Variants in ASCL5 observed in about 807,000 individuals in gnomAD.
ASCL5 encodes achaete-scute homolog 5.
For missense variants in ASCL5, 262 were observed against 268.9 expected, an observed-to-expected ratio of 0.97 and a Z score of 0.18; for synonymous variants, 124 against 131.5, an observed-to-expected ratio of 0.94 and a Z score of 0.39.
rs1663295461 is a variant in ASCL5 at position 201,114,730 on chromosome 1, C to G, written c.*22G>C. On this transcript the variant is annotated 3_prime_UTR_variant, in exon 2 of 2. Coordinates refer to ENST00000449188, the MANE Select transcript of ASCL5 (RefSeq NM_001270601.2). The stretch of plus-strand genomic sequence containing the variant: ...CGGGGCCGGCGGATCATCCTCCAAG[C>G]CGGGGGCGGCCACAGGCCCGATCAA... 2.4e-6 allele frequency: 3 copies of G among 1,230,590 alleles called. No homozygotes were observed. The highest frequency in any genetic ancestry group is 3.0e-6 in the Non-Finnish European group (3 of 987,292). The allele number at this position is 1,230,590 out of a possible 1,614,324, so 76.2% of individuals were successfully genotyped here. A position where few individuals can be genotyped will look rare whatever the true frequency, so the allele number is the denominator to read the frequency against.
chr1:201,118,836 G>A (rs528163887), intron 1 of ASCL5, among the ~76,000 whole-genome samples: 2 of 152,312 alleles, frequency 1.3e-5, no homozygotes, highest in African/African-American at 2.4e-5. Flanking sequence ...TCCTTGAGAG[G>A]TAGGTGCTAA....
At chr1:201,126,287 G>C (rs1035602156) in intron 1 of ASCL5, among the ~76,000 whole-genome samples, 1 of 151,864 alleles carries the variant, frequency 6.6e-6, no homozygotes. Context: ...CACCATGCTG[G>C]GTTGTTAAAA....
chr1:201,120,925 A>G (rs1663442638), intron 1 of ASCL5, among the ~76,000 whole-genome samples: 1 of 152,112 alleles, frequency 6.6e-6, no homozygotes, highest in Non-Finnish European at 1.5e-5. Flanking sequence ...CCCTCTACCC[A>G]CTGCCGCCAA....
At chr1:201,116,699 C>CA (rs1663355038) in intron 1 of ASCL5, among the ~76,000 whole-genome samples, 1 of 152,130 alleles carries the variant, frequency 6.6e-6, no homozygotes, top group African/African-American at 2.4e-5. Context: ...TTAGGTGCCA[C>CA]CAAGCTTCAT....
Position 201,114,906 on chromosome 1 carries a change from C to A in ASCL5, c.467G>T (p.Gly156Val), listed in dbSNP as rs1003826638. ...STPPASRGLPGTGPCPAPPAT... is the reference protein window; with the variant it reads ...STPPASRGLPVTGPCPAPPAT... ...GGGCGGCGCGGGGCAGGGCCCGGTG[C>A]CCGGGAGGCCGCGGGAAGCGGGGGG... The change falls in exon 2 of 2, where the codon GGC becomes GTC. Residue 156 changes from glycine to valine, a missense_variant. Gly to Val is a moderately radical substitution (Grantham distance 109, BLOSUM62 -3). Coordinates refer to ENST00000449188, the MANE Select transcript of ASCL5 (RefSeq NM_001270601.2). 8.1e-7 allele frequency: 1 copy of A among 1,229,982 alleles called. No individual in the cohort carries two copies. Among genetic ancestry groups the A allele is most frequent in the Non-Finnish European group, 1.0e-6 (1 of 986,916 alleles). The allele number at this position is 1,229,982 out of a possible 1,614,324, so 76.2% of individuals were successfully genotyped here.
At chr1:201,123,085 G>A (rs1041734929) in intron 1 of ASCL5, among the ~76,000 whole-genome samples, 5 of 152,068 alleles carry the variant, frequency 3.3e-5, no homozygotes, top group Admixed American at 6.6e-5. Flanking sequence ...AGCCCAGGAC[G>A]GCAGGTGCCC....
intron 1 of ASCL5, among the ~76,000 whole-genome samples, chr1:201,116,430 G>C (rs1401574246): frequency 2.0e-5 from 3 of 152,172 alleles, no homozygotes; most frequent in African/African-American, 7.2e-5. Flanking sequence ...CCCTGCCCCA[G>C]TCCCTGTGGT....
rs1663308911 is a variant in ASCL5 at position 201,115,035 on chromosome 1, G to T, written c.338C>A (p.Ala113Asp). ...CTTGCTGAGTCGCTTCTCAGCCAGG[G>T]CGCCGGGGAGGTGGCCGCGGAGGCG... ...YARLRGHLPG[A>D]LAEKRLSKVE... The change falls in exon 2 of 2, where the codon GCC becomes GAC. Residue 113 changes from alanine to aspartate, a missense_variant. Ala to Asp is a moderately radical substitution (Grantham distance 126). Coordinates refer to ENST00000449188, the MANE Select transcript of ASCL5 (RefSeq NM_001270601.2). 6.5e-6 allele frequency: 8 copies of T among 1,232,044 alleles called. No homozygotes were observed. Among genetic ancestry groups the T allele is most frequent in the Non-Finnish European group, 8.1e-6 (8 of 988,242 alleles). The allele number at this position is 1,232,044 out of a possible 1,614,324, so 76.3% of individuals were successfully genotyped here.
At position 201,115,489 on chromosome 1, in the gene ASCL5, AG is replaced by A; in HGVS notation, c.-118del. 2.5e-6 allele frequency: 2 copies of A among 802,206 alleles called. No individual in the cohort carries two copies. The highest frequency in any genetic ancestry group is 3.4e-6 in the Non-Finnish European group (2 of 596,610). 49.7% of individuals were successfully genotyped at this position (802,206 alleles called of 1,614,324 possible). ...TCGCTAGCAGCAGCTCTTGGGTACC[AG>A]GACTTGCTAGGGCCTCTTTTCGCCC... On this transcript the variant is annotated 5_prime_UTR_variant, in exon 2 of 2. Coordinates refer to ENST00000449188, the MANE Select transcript of ASCL5 (RefSeq NM_001270601.2).
chr1:201,125,153 C>A (rs1663555873), intron 1 of ASCL5, among the ~76,000 whole-genome samples: 1 of 152,210 alleles, frequency 6.6e-6, no homozygotes, highest in Non-Finnish European at 1.5e-5. Flanking sequence ...CTTCTGTAGG[C>A]TGGGGAGAGT....
In ASCL5 at chr1:201,115,511, C is replaced by T. The variant is rs1217818492; in HGVS notation, c.-139G>A. The T allele has an allele frequency of 3.6e-5, 23 of 631,594 alleles. No individual in the cohort carries two copies. Among genetic ancestry groups the T allele is most frequent in the African/African-American group, 3.6e-4 (19 of 52,848 alleles). 39.1% of individuals were successfully genotyped at this position (631,594 alleles called of 1,614,324 possible). On this transcript the variant is annotated 5_prime_UTR_variant, in exon 2 of 2. Transcript: ENST00000449188. ...ACCAGGACTTGCTAGGGCCTCTTTT[C>T]GCCCTTTAGGGTGGCTTCCAATGAC...
rs1412179156 is a variant in ASCL5 at position 201,115,100 on chromosome 1, G to T, written c.273C>A (p.Arg91=). 2 of 1,231,674 alleles carry T rather than the reference G, an allele frequency of 1.6e-6. No homozygotes were observed. Among genetic ancestry groups the T allele is most frequent in the African/African-American group, 3.1e-5 (2 of 64,418 alleles). The allele number at this position is 1,231,674 out of a possible 1,614,324, so 76.3% of individuals were successfully genotyped here. The change falls in exon 2 of 2, where the codon CGC becomes CGA. Residue 91 remains arginine (R), a synonymous_variant. Transcript: ENST00000449188. The stretch of plus-strand genomic sequence containing the variant: ...TGACGCACTTGACTCGCTGCCTCTC[G>T]CGCTCGTTGCGCTTCTGGATGAAGG... ...EPAFIQKRNE[R]ERQRVKCVNE...
At position 201,115,558 on chromosome 1, in the gene ASCL5, C is replaced by T. The variant is rs1663322622; in HGVS notation, c.-186G>A. On this transcript the variant is annotated 5_prime_UTR_variant, in exon 2 of 2. An upstream open reading frame in the 5' UTR loses its in-frame stop. Coordinates refer to ENST00000449188, the MANE Select transcript of ASCL5 (RefSeq NM_001270601.2). ...TGACTCCCTAACAAGAGCCATCGCC[C>T]TAGACAAGTGTGGCCCCTCTCAGGA... is the stretch of plus-strand genomic sequence containing the variant. 1 of 411,068 alleles carries T rather than the reference C, an allele frequency of 2.4e-6. No individual in the cohort carries two copies. The highest frequency in any genetic ancestry group is 4.5e-5 in the Admixed American group (1 of 22,460). 25.5% of individuals were successfully genotyped at this position (411,068 alleles called of 1,614,324 possible). A position where few individuals can be genotyped will look rare whatever the true frequency, so the allele number is the denominator to read the frequency against.
chr1:201,114,880 CG>C lies in ASCL5; in HGVS notation c.492del (p.Ala165ProfsTer54), dbSNP rs1331580242. 7 of 847,812 alleles carry C rather than the reference CG, an allele frequency of 8.3e-6. No individual in the cohort carries two copies. Among genetic ancestry groups the C allele is most frequent in the Non-Finnish European group, 1.0e-5 (7 of 680,714 alleles). 52.5% of individuals were successfully genotyped at this position (847,812 alleles called of 1,614,324 possible). A position where few individuals can be genotyped will look rare whatever the true frequency, so the allele number is the denominator to read the frequency against. ...CCAGGGCGGTCGGGACGGGGGGTGG[CG>C]GGCGGCGCGGGGCAGGGCCCGGTGC... The part of the protein sequence containing the change: ...LPGTGPCPAP[P>X]ATPRPDRPGD... On this transcript the variant is annotated frameshift_variant, in exon 2 of 2. Transcript: ENST00000449188. LOFTEE classifies it low-confidence loss of function (END_TRUNC).
At chr1:201,122,469 A>G (rs1414122856) in intron 1 of ASCL5, among the ~76,000 whole-genome samples, 1 of 152,046 alleles carries the variant, frequency 6.6e-6, no homozygotes. Flanking sequence ...TCCTTATCCC[A>G]TGCTATCCTC....
At chr1:201,118,587 A>C (rs982044424) in intron 1 of ASCL5, among the ~76,000 whole-genome samples, 4 of 152,196 alleles carry the variant, frequency 2.6e-5, no homozygotes, top group African/African-American at 9.7e-5. Flanking sequence ...ACTGAATACC[A>C]GAAGCTGAGG....
chr1:201,115,050 C>T lies in ASCL5; in HGVS notation c.323G>A (p.Gly108Asp), dbSNP rs1287126295. 1.1e-5 allele frequency: 14 copies of T among 1,232,028 alleles called. No homozygotes were observed. Among genetic ancestry groups the T allele is most frequent in the Non-Finnish European group, 1.4e-5 (14 of 988,350 alleles). 76.3% of individuals were successfully genotyped at this position (1,232,028 alleles called of 1,614,324 possible). Residue 108 changes from glycine to aspartate, a missense_variant, in exon 2 of 2, where the codon GGC (glycine) becomes GAC (aspartate). Gly to Asp is a moderately conservative substitution (Grantham distance 94). Coordinates refer to ENST00000449188, the MANE Select transcript of ASCL5 (RefSeq NM_001270601.2). ...CTCAGCCAGGGCGCCGGGGAGGTGG[C>T]CGCGGAGGCGAGCGTAGCCCTCGTT... ...CVNEGYARLR[G>D]HLPGALAEKR... is the part of the protein sequence containing the mutation.
chr1:201,118,629 G>A (rs559788181), intron 1 of ASCL5, among the ~76,000 whole-genome samples: 27 of 152,244 alleles, frequency 1.8e-4, no homozygotes, highest in African/African-American at 5.8e-4. Flanking sequence ...ATTAAGCGGC[G>A]TGATTTTCAT....
chr1:201,120,900 T>G (rs1572085633), intron 1 of ASCL5, among the ~76,000 whole-genome samples: 2 of 152,242 alleles, frequency 1.3e-5, no homozygotes, highest in African/African-American at 4.8e-5. Flanking sequence ...ACAGGGAGAC[T>G]GCTTCCATAG....
Sources: gnomAD v4.1 joint callset for allele counts (sites outside exome capture counted in the v4.1 genomes callset) on GRCh38, gnomAD v4.1.1 for gene constraint, MANE v1.5 for transcripts, NCBI Gene and HGNC (gene_info 2026-07-23, HGNC 2026-07-21) for gene names.